Variants in USP8 observed in about 807,000 individuals in gnomAD.
USP8 encodes ubiquitin carboxyl-terminal hydrolase 8.
USP8 carries 27 observed loss-of-function variants against 130.0 expected under a neutral mutation model. The ratio of observed to expected loss-of-function variants is 0.21; its 90% confidence interval spans 0.15 to 0.29. The LOEUF is 0.29. Among genes scored for constraint, USP8 ranks in the 10% least tolerant of loss-of-function variants. USP8 has a pLI of 1.00. For synonymous variants in USP8, 392 were observed against 444.1 expected (o/e 0.88, Z 1.48); for missense variants, 1,029 against 1,312.2 (o/e 0.78, Z 3.33).
Position 50,500,758 on chromosome 15 carries a change from T to G in USP8, c.*1670T>G. 6.3e-7 allele frequency: 1 copy of G among 1,581,010 alleles called. No individual in the cohort carries two copies. The highest frequency in any genetic ancestry group is 2.3e-5 in the East Asian group (1 of 43,752). On this transcript the variant is annotated 3_prime_UTR_variant, in exon 20 of 20. Transcript: ENST00000307179. Reference sequence around the variant, plus strand: ...TGGAATCTCACTGACTCGTGTGTTATCAAAGCTATATCAGGCCTGGGTGAC... The same window carrying G: ...TGGAATCTCACTGACTCGTGTGTTAGCAAAGCTATATCAGGCCTGGGTGAC...
rs915570303 is a variant in USP8 at position 50,506,990 on chromosome 15, A to G, written c.*7902A>G. 2.0e-5 allele frequency: 2 copies of G among 101,454 alleles called. No individual in the cohort carries two copies. Among genetic ancestry groups the G allele is most frequent in the Non-Finnish European group, 4.2e-5 (2 of 47,910 alleles). 6.3% of individuals were successfully genotyped at this position (101,454 alleles called of 1,614,324 possible). A position where few individuals can be genotyped will look rare whatever the true frequency, so the allele number is the denominator to read the frequency against. ...AAAAAAAAAAAAAAAAAAAAAAAAA[A>G]TCCAGTTTTAGGCCAAGTGTGGTGG... On this transcript the variant is annotated 3_prime_UTR_variant, in exon 20 of 20. Transcript: ENST00000307179.
chr15:50,427,974 C>T (rs1251397617), intron 1 of USP8, among the ~76,000 whole-genome samples: 1 of 152,096 alleles, frequency 6.6e-6, no homozygotes, highest in Non-Finnish European at 1.5e-5. Context: ...CCTCCTGCCT[C>T]AGCCTCCCAA....
Position 50,514,153 on chromosome 15 carries a change from G to A in USP8, c.*15065G>A, listed in dbSNP as rs575939048. 2.0e-5 allele frequency: 3 copies of A among 152,216 alleles called. No individual in the cohort carries two copies. Among genetic ancestry groups the A allele is most frequent in the African/African-American group, 7.2e-5 (3 of 41,538 alleles). 9.4% of individuals were successfully genotyped at this position (152,216 alleles called of 1,614,324 possible). A position where few individuals can be genotyped will look rare whatever the true frequency, so the allele number is the denominator to read the frequency against. ...ACATAATTTTGAATGAAAGGAGCCA[G>A]ACACAAAAAAAGGATATACTGTACA... On this transcript the variant is annotated 3_prime_UTR_variant, in exon 20 of 20. Coordinates refer to ENST00000307179, the MANE Select transcript of USP8 (RefSeq NM_005154.5).
chr15:50,429,193 T>A (rs2049846346), intron 1 of USP8, among the ~76,000 whole-genome samples: 1 of 152,012 alleles, frequency 6.6e-6, no homozygotes, highest in Non-Finnish European at 1.5e-5. Flanking sequence ...TTCTGAAACA[T>A]ACCAATAATG....
chr15:50,486,023 A>G (rs1159325139), intron 12 of USP8, among the ~76,000 whole-genome samples: 1 of 152,148 alleles, frequency 6.6e-6, no homozygotes, highest in Non-Finnish European at 1.5e-5. Flanking sequence ...GGATGGTTGA[A>G]TTCACAGATG....
chr15:50,493,832 T>G, intron 15 of USP8: 1 of 659,532 alleles, frequency 1.5e-6, no homozygotes. Context: ...TGTCATGAAC[T>G]GGAGCCTGTT....
Position 50,503,299 on chromosome 15 carries a change from C to T in USP8, c.*4211C>T, listed in dbSNP as rs527333201. On this transcript the variant is annotated 3_prime_UTR_variant, in exon 20 of 20. Transcript: ENST00000307179. The stretch of plus-strand genomic sequence containing the variant: ...GATGGAGGTTGCAGTGAGCTGAGAT[C>T]ATGCCATTGCATTCCAGCCTGGGCG... 1 of 152,442 alleles carries T rather than the reference C, an allele frequency of 6.6e-6. No individual in the cohort carries two copies. Among genetic ancestry groups the T allele is most frequent in the African/African-American group, 2.4e-5 (1 of 41,484 alleles). 9.4% of individuals were successfully genotyped at this position (152,442 alleles called of 1,614,324 possible). A position where few individuals can be genotyped will look rare whatever the true frequency, so the allele number is the denominator to read the frequency against.
chr15:50,487,117 C>T (rs1448018522), intron 12 of USP8, among the ~76,000 whole-genome samples: 7 of 151,622 alleles, frequency 4.6e-5, no homozygotes, highest in African/African-American at 1.7e-4. Context: ...GAGCAAGACT[C>T]CATCTGGGGA....
rs1321151214 is a variant in USP8, at chr15:50,505,594, G to A, written c.*6506G>A. On this transcript the variant is annotated 3_prime_UTR_variant, in exon 20 of 20. Transcript: ENST00000307179. ...GTGATTAACAAAAAAGACTGATGAAGATCCGGGCAAATATAACCCAATATG... is the reference window on the plus strand; with the variant it reads ...GTGATTAACAAAAAAGACTGATGAAAATCCGGGCAAATATAACCCAATATG... 6.6e-6 allele frequency: 1 copy of A among 152,176 alleles called. No individual in the cohort carries two copies. The highest frequency in any genetic ancestry group is 1.5e-5 in the Non-Finnish European group (1 of 68,042). 9.4% of individuals were successfully genotyped at this position (152,176 alleles called of 1,614,324 possible).
chr15:50,441,579 T>A (rs1036644739), intron 3 of USP8, 86 bp downstream of exon 3: 1 of 1,177,136 alleles, frequency 8.5e-7, no homozygotes, highest in Admixed American at 2.7e-5. Context: ...TAAGTAATAA[T>A]GAAATGTAGC....
chr15:50,434,104 T>TTTTTGTTTTGTTTTG (rs139482198), intron 1 of USP8, among the ~76,000 whole-genome samples: 1,658 of 148,826 alleles, frequency 0.011, 19 homozygotes, highest in East Asian at 0.018. Flanking sequence ...AGCATAAGGT[T>TTTTTGTTTTGTTTTG]TTTTGTTTTG....
rs778969876 is a variant in USP8, at chr15:50,481,793, G to A, written c.1531G>A (p.Glu511Lys). The change falls in exon 11 of 20, where the codon GAA becomes AAA. Residue 511 changes from glutamate (E) to lysine (K), a missense_variant. Physicochemically the swap from Glu to Lys is moderately conservative, Grantham distance 56. Coordinates refer to ENST00000307179, the MANE Select transcript of USP8 (RefSeq NM_005154.5). ...QKAKKKQEAEENEITEKQQKA... is the reference protein window; with the variant it reads ...QKAKKKQEAEKNEITEKQQKA... ...AGCCAAAAAGAAACAAGAAGCTGAA[G>A]AAAATGAAATTACAGAGAAGCAACA... 4 of 1,541,118 alleles carry A rather than the reference G, an allele frequency of 2.6e-6. No individual in the cohort carries two copies. In the South Asian group the frequency reaches 3.8e-5, roughly 14 times the overall value.
chr15:50,476,439 C>T (rs571798950), intron 8 of USP8, among the ~76,000 whole-genome samples: 6 of 152,068 alleles, frequency 3.9e-5, no homozygotes, highest in Non-Finnish European at 8.8e-5. Context: ...ATCAGTCAAC[C>T]AGTAGTCGAA....
At chr15:50,484,092 C>CAGAG (rs2051867951) in intron 11 of USP8, among the ~76,000 whole-genome samples, 183 bp from the exon 12 acceptor site, 1 of 151,608 alleles carries the variant, frequency 6.6e-6, no homozygotes, top group Admixed American at 6.6e-5. Flanking sequence ...ACTGATTCAT[C>CAGAG]AGAGTTCTTT....
At chr15:50,425,573 G>C (rs1265892682) in intron 1 of USP8, among the ~76,000 whole-genome samples, 3 of 152,028 alleles carry the variant, frequency 2.0e-5, no homozygotes, top group African/African-American at 7.3e-5. Context: ...TCTTTATCAT[G>C]TTGATATGGC....
chr15:50,435,311 T>C (rs961187586), intron 1 of USP8, among the ~76,000 whole-genome samples: 7 of 152,240 alleles, frequency 4.6e-5, no homozygotes, highest in African/African-American at 1.4e-4. Context: ...TACTGAACCA[T>C]GTACAGAGTT....
Position 50,424,426 on chromosome 15 carries a change from T to C in USP8, c.-154T>C. The C allele has an allele frequency of 2.5e-6, 1 of 398,670 alleles. No individual in the cohort carries two copies. The highest frequency in any genetic ancestry group is 3.6e-5 in the East Asian group (1 of 28,078). 24.7% of individuals were successfully genotyped at this position (398,670 alleles called of 1,614,324 possible). On this transcript the variant is annotated 5_prime_UTR_variant, in exon 1 of 20. Transcript: ENST00000307179. ...GGGTGAGCTGGGCTGGCTTCCGTCC[T>C]GGTAGCCAAGGCTAATTCTCCCTCG...
rs957775839 is a variant in USP8 at position 50,460,716 on chromosome 15, C to T, written c.498+1554C>T. On this transcript the variant is annotated intron_variant, in intron 5 of 19. Coordinates refer to ENST00000307179, the MANE Select transcript of USP8 (RefSeq NM_005154.5). ...TTAGTCTGTAGCTGCCAGCTATCAC[C>T]GTACCTCCCTTCCTTTACCTCCTCA... 7.9e-5 allele frequency among the ~76,000 whole-genome samples: 12 copies of T among 152,198 alleles called. No homozygotes were observed. In the South Asian group the frequency reaches 1.0e-3, roughly 13 times the overall value.
At chr15:50,452,856 G>A (rs1009756125) in intron 4 of USP8, among the ~76,000 whole-genome samples, 4 of 152,146 alleles carry the variant, frequency 2.6e-5, no homozygotes, top group African/African-American at 9.7e-5. Flanking sequence ...TATTTTCGTT[G>A]TTATTAACAG....
Sources: gnomAD v4.1 joint callset for allele counts (sites outside exome capture counted in the v4.1 genomes callset) on GRCh38, gnomAD v4.1.1 for gene constraint, MANE v1.5 for transcripts, NCBI Gene and HGNC (gene_info 2026-07-23, HGNC 2026-07-21) for gene names.